PHF20L1: variants seen among roughly 807,000 people sequenced by gnomAD.
The protein encoded by PHF20L1 is PHD finger protein 20 like 1.
In PHF20L1, 44 loss-of-function variants were observed where a neutral mutation model predicts 125.5. That is an observed-to-expected ratio of 0.35 (90% CI 0.28 to 0.45). The LOEUF (loss-of-function observed/expected upper bound fraction) is 0.45. Ranked by LOEUF, PHF20L1 falls within the 20% of genes least tolerant of loss-of-function variation. PHF20L1 has a pLI of 1.00. For missense variants in PHF20L1, 1,012 were observed against 1,217.2 expected (o/e 0.83, Z 2.51); for synonymous variants, 380 against 403.1 (o/e 0.94, Z 0.69).
intron 14 of PHF20L1, among the ~76,000 whole-genome samples, chr8:132,831,756 G>A (rs992953145): frequency 1.3e-5 from 2 of 151,974 alleles, no homozygotes; most frequent in African/African-American, 4.8e-5. Flanking sequence ...ACAGGTAAAT[G>A]TGTGCCATGG....
At chr8:132,777,424 C>G (rs2131278529) in intron 1 of PHF20L1, among the ~76,000 whole-genome samples, 1 of 152,258 alleles carries the variant, frequency 6.6e-6, no homozygotes, top group Non-Finnish European at 1.5e-5. Flanking sequence ...ACTCAGCTGT[C>G]TTAATTTTTC....
intron 17 of PHF20L1, 44 bp downstream of exon 17, chr8:132,837,855 T>C (rs1373413108): frequency 7.5e-7 from 1 of 1,333,862 alleles, no homozygotes; most frequent in Admixed American, 1.7e-5. Flanking sequence ...TGCCTCTATG[T>C]CTCCTCCAGG....
intron 14 of PHF20L1, chr8:132,826,706 G>A (rs1006416231): frequency 6.6e-6 from 1 of 152,016 alleles, no homozygotes; most frequent in Admixed American, 6.6e-5. Context: ...GACAGTGGTT[G>A]CCTCTAAGGT....
At chr8:132,792,186 A>C (rs530076742) in intron 2 of PHF20L1, among the ~76,000 whole-genome samples, 10 of 152,346 alleles carry the variant, frequency 6.6e-5, no homozygotes, top group Admixed American at 5.2e-4. Flanking sequence ...TAGAGGCTTT[A>C]TGTTTTGAGG....
In PHF20L1 at chr8:132,844,728, A is replaced by T. The variant is rs559926422; in HGVS notation, c.2911+410A>T. Among the ~76,000 whole-genome samples the T allele has an allele frequency of 5.3e-5, 8 of 152,292 alleles. No homozygotes were observed. The East Asian group carries it at 1.5e-3, about 29-fold the overall frequency. ...ACTTGTTAAATTAACAAAAACTTCT[A>T]CAAAGTTAAGTAGGTAAACCTTAAG... is the stretch of plus-strand genomic sequence containing the variant. On this transcript the variant is annotated intron_variant, in intron 20 of 20. Transcript: ENST00000395386.
chr8:132,827,322 T>C (rs900662380), intron 14 of PHF20L1, among the ~76,000 whole-genome samples: 3 of 151,988 alleles, frequency 2.0e-5, no homozygotes, highest in Non-Finnish European at 2.9e-5. Flanking sequence ...AATGAGAAGC[T>C]CAGGCTGCAA....
intron 2 of PHF20L1, among the ~76,000 whole-genome samples, chr8:132,779,613 T>C (rs1404050518): frequency 6.6e-6 from 1 of 152,222 alleles, no homozygotes; most frequent in African/African-American, 2.4e-5. Context: ...GCTTCCAGTT[T>C]TGGAGAAACA....
chr8:132,817,367 G>A lies in PHF20L1; in HGVS notation c.1401G>A (p.Glu467=). Residue 467 remains glutamate (E), a synonymous_variant, in exon 12 of 21, where the codon GAG becomes GAA. Coordinates refer to ENST00000395386, the MANE Select transcript of PHF20L1 (RefSeq NM_016018.5). The stretch of plus-strand genomic sequence containing the variant: ...CTGATGTTGCACATTTGCCACTTGA[G>A]AAGCTGGGACCCTGTCTCCCTCTTG... ...EVPDVAHLPL[E]KLGPCLPLDL... The A allele has an allele frequency of 6.2e-7, 1 of 1,612,522 alleles. No homozygotes were observed.
chr8:132,804,838 C>A, intron 8 of PHF20L1, 98 bp downstream of exon 8: 2 of 1,005,488 alleles, frequency 2.0e-6, no homozygotes, highest in South Asian at 1.6e-5. Flanking sequence ...GATTTAGTGT[C>A]ATGGACCTGT....
chr8:132,837,146 TAAC>T (rs1334485735), intron 16 of PHF20L1, among the ~76,000 whole-genome samples: 5 of 152,122 alleles, frequency 3.3e-5, no homozygotes, highest in Non-Finnish European at 5.9e-5. Context: ...TTGCAGGAGT[TAAC>T]AACTTCTTCT....
rs1186999167 is a variant in PHF20L1 at position 132,847,183 on chromosome 8, G to A, written c.*1260G>A. The A allele has an allele frequency of 2.0e-5, 3 of 152,066 alleles. No individual in the cohort carries two copies. The highest frequency in any genetic ancestry group is 7.3e-5 in the African/African-American group (3 of 41,246). The allele number at this position is 152,066 out of a possible 1,614,324, so 9.4% of individuals were successfully genotyped here. A position where few individuals can be genotyped will look rare whatever the true frequency, so the allele number is the denominator to read the frequency against. ...TGCTTGTTTTAAACAAACACTCAAC[G>A]TACATATGTACATAATCTACACATA... On this transcript the variant is annotated 3_prime_UTR_variant, in exon 21 of 21. Coordinates refer to ENST00000395386, the MANE Select transcript of PHF20L1 (RefSeq NM_016018.5).
chr8:132,825,371 G>T lies in PHF20L1; in HGVS notation c.1744G>T (p.Asp582Tyr). 6.7e-7 allele frequency: 1 copy of T among 1,492,458 alleles called. No individual in the cohort carries two copies. Among genetic ancestry groups the T allele is most frequent in the South Asian group, 1.3e-5 (1 of 78,192 alleles). 92.5% of individuals were successfully genotyped at this position (1,492,458 alleles called of 1,614,324 possible). A position where few individuals can be genotyped will look rare whatever the true frequency, so the allele number is the denominator to read the frequency against. The change falls in exon 14 of 21, where the codon GAC becomes TAC. Residue 582 changes from aspartate to tyrosine, a missense_variant and splice_region_variant. By Grantham distance (160) the Asp-to-Tyr change is radical (BLOSUM62 -3). Coordinates refer to ENST00000395386, the MANE Select transcript of PHF20L1 (RefSeq NM_016018.5). ...KKKKKKSKQH[D>Y]YSDYEDSSLE... is the part of the protein sequence containing the mutation. Reference sequence around the variant, plus strand: ...AAAGAAAAAGAAATCTAAGCAACATGGTAAGTACACTGAGATGATTATTCC... The same window carrying T: ...AAAGAAAAAGAAATCTAAGCAACATTGTAAGTACACTGAGATGATTATTCC...
intron 12 of PHF20L1, among the ~76,000 whole-genome samples, chr8:132,822,245 G>A (rs1218324645): frequency 6.6e-6 from 1 of 151,918 alleles, no homozygotes; most frequent in Non-Finnish European, 1.5e-5. Flanking sequence ...CTCTTCTGCT[G>A]TGTTAACTTC....
chr8:132,832,282 T>C lies in PHF20L1; in HGVS notation c.1792T>C (p.Ser598Pro). The change falls in exon 15 of 21, where the codon TCT becomes CCT. Residue 598 changes from serine to proline, a missense_variant. Physicochemically the swap from Ser to Pro is moderately conservative, Grantham distance 74. Coordinates refer to ENST00000395386, the MANE Select transcript of PHF20L1 (RefSeq NM_016018.5). Reference protein sequence around the residue: ...DSSLEFLERCSSPLTRSSGSS... With the variant: ...DSSLEFLERCPSPLTRSSGSS... ...TTCCCTCGAATTTTTGGAAAGGTGCTCTTCTCCACTAACTCGATCTTCTGG... is the reference window on the plus strand; with the variant it reads ...TTCCCTCGAATTTTTGGAAAGGTGCCCTTCTCCACTAACTCGATCTTCTGG... 3 of 1,606,566 alleles carry C rather than the reference T, an allele frequency of 1.9e-6. No individual in the cohort carries two copies. The highest frequency in any genetic ancestry group is 2.6e-6 in the Non-Finnish European group (3 of 1,173,440).
intron 9 of PHF20L1, 138 bp downstream of exon 9, chr8:132,811,266 C>G: frequency 7.0e-7 from 1 of 1,435,422 alleles, no homozygotes; most frequent in Non-Finnish European, 9.2e-7. Context: ...ATATTTTTAA[C>G]TCTGCCTTCT....
At chr8:132,833,891 G>A (rs1587057870) in intron 15 of PHF20L1, among the ~76,000 whole-genome samples, 1 of 152,096 alleles carries the variant, frequency 6.6e-6, no homozygotes. Context: ...GAACTGCCCA[G>A]AGAGTGTGTT....
rs537398320 is a variant in PHF20L1 at position 132,811,514 on chromosome 8, T to A, written c.930+386T>A. The A allele has an allele frequency of 4.0e-6, 4 of 990,398 alleles. No individual in the cohort carries two copies. The South Asian group carries it at 1.4e-4, about 34-fold the overall frequency. 61.4% of individuals were successfully genotyped at this position (990,398 alleles called of 1,614,324 possible). ...TCTTTTGTAAGAAGTTTCTTTTATATTGTAACAATTGGTGTTGTTAGACTG... is the reference window on the plus strand; with the variant it reads ...TCTTTTGTAAGAAGTTTCTTTTATAATGTAACAATTGGTGTTGTTAGACTG... On this transcript the variant is annotated intron_variant, in intron 9 of 20. Coordinates refer to ENST00000395386, the MANE Select transcript of PHF20L1 (RefSeq NM_016018.5).
chr8:132,789,437 A>G (rs1193513066), intron 2 of PHF20L1, among the ~76,000 whole-genome samples: 1 of 152,156 alleles, frequency 6.6e-6, no homozygotes, highest in Non-Finnish European at 1.5e-5. Context: ...TTTAATTCAA[A>G]AGGGTCCCAC....
chr8:132,793,038 G>T (rs2131437933), intron 2 of PHF20L1, among the ~76,000 whole-genome samples: 1 of 143,552 alleles, frequency 7.0e-6, no homozygotes, highest in Non-Finnish European at 1.5e-5. Context: ...CACCCAGTTT[G>T]AGTGAGAACC....
Sources: gnomAD v4.1 joint callset for allele counts (sites outside exome capture counted in the v4.1 genomes callset) on GRCh38, gnomAD v4.1.1 for gene constraint, MANE v1.5 for transcripts, NCBI Gene and HGNC (gene_info 2026-07-23, HGNC 2026-07-21) for gene names.